Variants in JARID2 observed in about 807,000 individuals in gnomAD.
JARID2 encodes jumonji and AT-rich interaction domain containing 2.
In JARID2, 21 loss-of-function variants were observed where a neutral mutation model predicts 125.6. The ratio of observed to expected loss-of-function variants is 0.17; its 90% CI spans 0.12 to 0.24. JARID2 has a LOEUF of 0.24. Ranked by LOEUF, JARID2 falls within the 10% of genes least tolerant of loss-of-function variation. The probability of loss-of-function intolerance (pLI) is 1.00; values close to 1 mark genes in which losing one functional copy is unlikely to be tolerated. For missense variants in JARID2, 1,303 were observed against 1,639.6 expected (o/e 0.79, Z 3.55); for synonymous variants, 736 against 661.6 (o/e 1.11, Z -1.73).
At chr6:15,326,738 T>A (rs1395472627) in intron 1 of JARID2, among the ~76,000 whole-genome samples, 1 of 152,204 alleles carries the variant, frequency 6.6e-6, no homozygotes, top group East Asian at 1.9e-4. Flanking sequence ...TGGCCTAAAG[T>A]GATCAGTCCA....
chr6:15,452,854 G>A (rs1767983381), intron 4 of JARID2, among the ~76,000 whole-genome samples: 1 of 152,228 alleles, frequency 6.6e-6, no homozygotes, highest in South Asian at 2.1e-4. Flanking sequence ...GTCATTTCTG[G>A]AGGAATGATA....
At chr6:15,472,483 A>G (rs1159525497) in intron 5 of JARID2, among the ~76,000 whole-genome samples, 1 of 152,122 alleles carries the variant, frequency 6.6e-6, no homozygotes, top group Non-Finnish European at 1.5e-5. Context: ...AATTAGATTG[A>G]TGTCATCTGT....
chr6:15,293,727 G>T (rs1561775538), intron 1 of JARID2, among the ~76,000 whole-genome samples: 1 of 152,190 alleles, frequency 6.6e-6, no homozygotes, highest in Non-Finnish European at 1.5e-5. Context: ...GCCTGTGCCG[G>T]ATTTCTCACT....
rs969621407 is a variant in JARID2, at chr6:15,278,479, G to C, written c.45+31895G>C. Among the ~76,000 whole-genome samples the C allele has an allele frequency of 2.0e-5, 3 of 151,608 alleles. No homozygotes were observed. The South Asian group carries it at 6.2e-4, about 32-fold the overall frequency. On this transcript the variant is annotated intron_variant, in intron 1 of 17. Coordinates refer to ENST00000341776, the MANE Select transcript of JARID2 (RefSeq NM_004973.4). ...CTCATGCCTGTAATCCCAGCTACTC[G>C]GGAAGCTGAGGCAGGAGAATGGCGT...
At chr6:15,413,013 T>TTTG in intron 3 of JARID2, among the ~76,000 whole-genome samples, 1 of 91,110 alleles carries the variant, frequency 1.1e-5, no homozygotes, top group Non-Finnish European at 2.5e-5. Context: ...TTTTTGTTTT[T>TTTG]TTTTTTTTTG....
chr6:15,335,911 C>T (rs1762860859), intron 1 of JARID2, among the ~76,000 whole-genome samples: 1 of 152,068 alleles, frequency 6.6e-6, no homozygotes. Context: ...GGCAAAACCC[C>T]ATCTCTATAC....
chr6:15,430,575 A>G (rs146675254), intron 3 of JARID2, among the ~76,000 whole-genome samples: 6 of 152,198 alleles, frequency 3.9e-5, no homozygotes, highest in African/African-American at 1.4e-4. Flanking sequence ...AATTAAGTAA[A>G]TTGTTTTCTA....
chr6:15,347,133 AAC>A (rs1347808040), intron 1 of JARID2, among the ~76,000 whole-genome samples: 1 of 152,212 alleles, frequency 6.6e-6, no homozygotes, highest in African/African-American at 2.4e-5. Context: ...AGAACATGAG[AAC>A]ACATGTGAAG....
chr6:15,496,110 C>G (rs1235071479), intron 6 of JARID2, 22 bp from the exon 7 acceptor site: 2 of 1,577,542 alleles, frequency 1.3e-6, no homozygotes, highest in East Asian at 2.2e-5. Context: ...TTTTTTCCAC[C>G]TCTGCTTCTG....
Position 15,520,438 on chromosome 6 carries a change from A to G in JARID2, c.*187A>G. On this transcript the variant is annotated 3_prime_UTR_variant, in exon 18 of 18. Transcript: ENST00000341776. ...ACTTTTTTTTGTACTTAGAAAACCTAGATACTGCAGTCAGATTTTGGAAAC... is the reference window on the plus strand; with the variant it reads ...ACTTTTTTTTGTACTTAGAAAACCTGGATACTGCAGTCAGATTTTGGAAAC... 1 of 494,512 alleles carries G rather than the reference A, an allele frequency of 2.0e-6. No homozygotes were observed. Among genetic ancestry groups the G allele is most frequent in the Non-Finnish European group, 3.5e-6 (1 of 287,072 alleles). The allele number at this position is 494,512 out of a possible 1,614,324, so 30.6% of individuals were successfully genotyped here.
chr6:15,475,853 G>A (rs1769317782), intron 5 of JARID2, among the ~76,000 whole-genome samples: 1 of 152,324 alleles, frequency 6.6e-6, no homozygotes, highest in South Asian at 2.1e-4. Flanking sequence ...TTTGGTTTCT[G>A]ACTTGGGTGA....
intron 1 of JARID2, among the ~76,000 whole-genome samples, chr6:15,256,054 C>T (rs1268604075): frequency 6.6e-6 from 1 of 152,156 alleles, no homozygotes; most frequent in Non-Finnish European, 1.5e-5. Flanking sequence ...ACTTCACAGG[C>T]TTGTTGCTGG....
At chr6:15,403,747 CTGG>C (rs550650666) in intron 2 of JARID2, among the ~76,000 whole-genome samples, 2 of 152,028 alleles carry the variant, frequency 1.3e-5, no homozygotes, top group South Asian at 2.1e-4. Context: ...GGGGCGGATT[CTGG>C]TGGTGGTGAG....
chr6:15,413,582 G>A (rs925775886), intron 3 of JARID2, among the ~76,000 whole-genome samples: 2 of 152,106 alleles, frequency 1.3e-5, no homozygotes, highest in Non-Finnish European at 1.5e-5. Flanking sequence ...TGCTAAGCTC[G>A]GTTTTTGTTG....
chr6:15,337,681 TC>T (rs1561800641), intron 1 of JARID2, among the ~76,000 whole-genome samples: 3 of 152,084 alleles, frequency 2.0e-5, no homozygotes, highest in African/African-American at 7.2e-5. Flanking sequence ...CCCTGAATTT[TC>T]CCCTTTTTGC....
At chr6:15,397,537 G>T (rs1355411504) in intron 2 of JARID2, among the ~76,000 whole-genome samples, 3 of 152,176 alleles carry the variant, frequency 2.0e-5, no homozygotes, top group Admixed American at 1.3e-4. Flanking sequence ...TGGCAGCCAT[G>T]AACCTGGGTG....
chr6:15,417,560 C>T (rs114970974), intron 3 of JARID2, among the ~76,000 whole-genome samples: 235 of 152,130 alleles, frequency 1.5e-3, no homozygotes, highest in African/African-American at 5.4e-3. Context: ...GGCAATATGG[C>T]GAAACTCCAT....
At chr6:15,377,464 G>T (rs1764399041) in intron 2 of JARID2, among the ~76,000 whole-genome samples, 1 of 152,114 alleles carries the variant, frequency 6.6e-6, no homozygotes. Flanking sequence ...CCATATCACA[G>T]CGGATTGACT....
intron 3 of JARID2, among the ~76,000 whole-genome samples, chr6:15,451,142 A>G (rs904774067): frequency 2.6e-5 from 4 of 152,210 alleles, no homozygotes; most frequent in African/African-American, 9.6e-5. Flanking sequence ...CTCCATCTCA[A>G]ACAAACAAAC....
Sources: allele counts gnomAD v4.1 joint callset (sites outside exome capture counted in the v4.1 genomes callset), GRCh38; gene constraint gnomAD v4.1.1; transcripts MANE v1.5; gene names NCBI Gene and HGNC (gene_info 2026-07-23, HGNC 2026-07-21).